Variants in RAB28 observed in about 807,000 individuals in gnomAD.
RAB28 encodes the protein RAB28, member RAS oncogene family.
Under a neutral mutation model 31.7 loss-of-function variants are expected in RAB28, and 24 were observed. That is an observed-to-expected ratio of 0.76 (90% CI 0.55 to 1.06). The LOEUF (loss-of-function observed/expected upper bound fraction) is 1.06, where lower values mean the gene tolerates loss of function less well. RAB28 is among the 50% of genes least tolerant of loss of function. RAB28 has a pLI of 0.00. For missense variants in RAB28, 254 were observed against 258.5 expected, an observed-to-expected ratio of 0.98 and a Z score of 0.12; for synonymous variants, 100 against 90.4, an observed-to-expected ratio of 1.11 and a Z score of -0.60.
Position 13,376,503 on chromosome 4 carries a change from G to T in RAB28, c.573+42C>A, listed in dbSNP as rs765157267. The T allele has an allele frequency of 7.7e-6, 11 of 1,426,070 alleles. No individual in the cohort carries two copies. In the East Asian group the frequency reaches 2.3e-4, roughly 30 times the overall value. 88.3% of individuals were successfully genotyped at this position (1,426,070 alleles called of 1,614,324 possible). A position where few individuals can be genotyped will look rare whatever the true frequency, so the allele number is the denominator to read the frequency against. Reference sequence around the variant, plus strand: ...ATGGGTGAAAATTAATGCCTTGTAAGAAATTCATTAATTTTTTAAATATAA... The same window carrying T: ...ATGGGTGAAAATTAATGCCTTGTAATAAATTCATTAATTTTTTAAATATAA... On this transcript the variant is annotated intron_variant, in intron 6 of 6. Coordinates refer to ENST00000330852, the MANE Select transcript of RAB28 (RefSeq NM_001017979.3).
chr4:13,433,645 T>TA (rs558890913), intron 4 of RAB28, among the ~76,000 whole-genome samples: 22,314 of 150,880 alleles, frequency 0.15, 1,654 homozygotes, highest in South Asian at 0.19. Flanking sequence ...ATTGAAAAGT[T>TA]AAAAAAAAAT....
In RAB28 at chr4:13,368,407, C is replaced by T; in HGVS notation, c.*151G>A. 1 of 1,272,472 alleles carries T rather than the reference C, an allele frequency of 7.9e-7. No individual in the cohort carries two copies. The highest frequency in any genetic ancestry group is 3.1e-5 in the East Asian group (1 of 31,792). The allele number at this position is 1,272,472 out of a possible 1,614,324, so 78.8% of individuals were successfully genotyped here. On this transcript the variant is annotated 3_prime_UTR_variant, in exon 7 of 7. Transcript: ENST00000330852. ...TTCAAATCCAAGGAGCTGCCTGCCA[C>T]TGTGAGGCAATAGCAATGATGAAGC... is the stretch of plus-strand genomic sequence containing the variant.
chr4:13,465,257 AAATT>A (rs1560143332), intron 3 of RAB28, among the ~76,000 whole-genome samples: 1 of 151,998 alleles, frequency 6.6e-6, no homozygotes, highest in African/African-American at 2.4e-5. Flanking sequence ...GAAACTGCCA[AAATT>A]AATTAGACAC....
chr4:13,379,468 G>A (rs1465722854), intron 5 of RAB28, among the ~76,000 whole-genome samples: 6 of 152,138 alleles, frequency 3.9e-5, no homozygotes, highest in Non-Finnish European at 8.8e-5. Context: ...AAAGGGAACT[G>A]AGAGTATATG....
intron 4 of RAB28, among the ~76,000 whole-genome samples, chr4:13,432,381 A>G (rs931458113): frequency 6.6e-6 from 1 of 152,184 alleles, no homozygotes; most frequent in Non-Finnish European, 1.5e-5. Flanking sequence ...GAAATTATTC[A>G]GGAAAATTTC....
chr4:13,483,965 C>T (rs1716742010), intron 1 of RAB28, 111 bp downstream of exon 1: 12 of 1,060,478 alleles, frequency 1.1e-5, no homozygotes, highest in Middle Eastern at 2.7e-4. Flanking sequence ...GGGCCCGGGC[C>T]TAGAAGCCCG....
intron 5 of RAB28, among the ~76,000 whole-genome samples, 172 bp downstream of exon 5, chr4:13,381,319 T>A (rs966476468): frequency 6.6e-6 from 1 of 152,124 alleles, no homozygotes; most frequent in African/African-American, 2.4e-5. Flanking sequence ...TTATGTTAAA[T>A]AAATTATAAA....
chr4:13,371,997 T>C, intron 6 of RAB28: 4 of 838,370 alleles, frequency 4.8e-6, no homozygotes, highest in Non-Finnish European at 7.8e-6. Flanking sequence ...AACCTATGGG[T>C]TGGGGCACAA....
intron 4 of RAB28, among the ~76,000 whole-genome samples, chr4:13,389,637 C>T (rs180991324): frequency 4.6e-4 from 70 of 152,240 alleles, no homozygotes; most frequent in Non-Finnish European, 9.1e-4. Flanking sequence ...TTCATCCATA[C>T]CACCACTCTC....
intron 6 of RAB28, among the ~76,000 whole-genome samples, chr4:13,372,985 G>A (rs1270881769): frequency 6.6e-6 from 1 of 151,968 alleles, no homozygotes; most frequent in African/African-American, 2.4e-5. Flanking sequence ...GAAATTTTTG[G>A]TATTTTAAAA....
chr4:13,406,660 T>C (rs978264270), intron 4 of RAB28, among the ~76,000 whole-genome samples: 1 of 152,290 alleles, frequency 6.6e-6, no homozygotes, highest in Admixed American at 6.5e-5. Context: ...CTCTCCAGCA[T>C]CTGTTGTTTC....
At position 13,367,891 on chromosome 4, in the gene RAB28, G is replaced by A. The variant is rs1728565805; in HGVS notation, c.*667C>T. On this transcript the variant is annotated 3_prime_UTR_variant, in exon 7 of 7. Coordinates refer to ENST00000330852, the MANE Select transcript of RAB28 (RefSeq NM_001017979.3). ...CAGAATTCAGAAAGCCTTCAAACCT[G>A]AGTATTACACAATACATAACGACAA... The A allele has an allele frequency of 2.0e-6, 2 of 984,316 alleles. No individual in the cohort carries two copies. Among genetic ancestry groups the A allele is most frequent in the Non-Finnish European group, 2.4e-6 (2 of 829,126 alleles). The allele number at this position is 984,316 out of a possible 1,614,324, so 61.0% of individuals were successfully genotyped here.
rs116182762 is a variant in RAB28, at chr4:13,452,102, C to G, written c.391+8597G>C. ...GTTGTTCACTGGAGTCTCTAATGAT[C>G]CTTTTTGGTCCTATGGTATCTATTG... is the stretch of plus-strand genomic sequence containing the variant. On this transcript the variant is annotated intron_variant, in intron 4 of 6. Coordinates refer to ENST00000330852, the MANE Select transcript of RAB28 (RefSeq NM_001017979.3). Among the ~76,000 whole-genome samples the G allele has an allele frequency of 3.2e-3, 488 of 151,950 alleles. 1 individual carries two copies. The highest frequency in any genetic ancestry group is 0.011 in the African/African-American group (468 of 41,504).
intron 4 of RAB28, among the ~76,000 whole-genome samples, chr4:13,434,613 A>G (rs1553872627): frequency 1.3e-5 from 2 of 152,204 alleles, no homozygotes; most frequent in Non-Finnish European, 2.9e-5. Context: ...GTTCTCATCT[A>G]TGCATGGAAC....
At chr4:13,479,817 GAAAAA>G in intron 1 of RAB28, among the ~76,000 whole-genome samples, 1 of 147,712 alleles carries the variant, frequency 6.8e-6, no homozygotes, top group South Asian at 2.1e-4. Context: ...GTTATCAACA[GAAAAA>G]AAAACTAAAA....
rs145486531 is a variant in RAB28 at position 13,416,779 on chromosome 4, G to A, written c.392-35185C>T. 3.7e-3 allele frequency among the ~76,000 whole-genome samples: 566 copies of A among 152,240 alleles called. 4 individuals carry two copies. Among genetic ancestry groups the A allele is most frequent in the African/African-American group, 0.013 (520 of 41,528 alleles). ...CAAACGAAGATTCCATTCCAAGATG[G>A]CCAAATAGAAACAGCTCCAGTCTGC... On this transcript the variant is annotated intron_variant, in intron 4 of 6. Coordinates refer to ENST00000330852, the MANE Select transcript of RAB28 (RefSeq NM_001017979.3).
intron 4 of RAB28, among the ~76,000 whole-genome samples, chr4:13,445,947 T>C (rs1714671303): frequency 6.6e-6 from 1 of 152,164 alleles, no homozygotes; most frequent in Non-Finnish European, 1.5e-5. Context: ...CAGGAAAGAT[T>C]AAGTCCCCTG....
intron 4 of RAB28, among the ~76,000 whole-genome samples, chr4:13,397,176 A>G (rs919719537): frequency 1.6e-4 from 25 of 152,172 alleles, no homozygotes; most frequent in African/African-American, 6.0e-4. Flanking sequence ...TCACACCACA[A>G]TAAGAATGAA....
intron 6 of RAB28, among the ~76,000 whole-genome samples, chr4:13,372,732 A>G (rs1371583992): frequency 6.6e-6 from 1 of 152,084 alleles, no homozygotes; most frequent in African/African-American, 2.4e-5. Flanking sequence ...GTGGGTAAGA[A>G]GAATCTGAGG....
Sources: allele counts gnomAD v4.1 joint callset (sites outside exome capture counted in the v4.1 genomes callset), GRCh38; gene constraint gnomAD v4.1.1; transcripts MANE v1.5; gene names NCBI Gene and HGNC (gene_info 2026-07-23, HGNC 2026-07-21).